Variants in DPP8 observed in about 807,000 individuals in gnomAD.
DPP8 encodes DPP VIII.
DPP8 carries 31 observed loss-of-function variants against 107.5 expected under a neutral mutation model. The ratio of observed to expected loss-of-function variants is 0.29; its 90% CI spans 0.22 to 0.39. DPP8 has a LOEUF of 0.39. DPP8 is among the 10% of genes least tolerant of loss of function. The pLI is 1.00. For missense variants in DPP8, 842 were observed against 1,076.1 expected, an observed-to-expected ratio of 0.78 and a Z score of 3.04; for synonymous variants, 381 against 356.6, an observed-to-expected ratio of 1.07 and a Z score of -0.77.
chr15:65,454,159 T>C, intron 17 of DPP8, 104 bp downstream of exon 17: 1 of 823,192 alleles, frequency 1.2e-6, no homozygotes, highest in Non-Finnish European at 1.7e-6. Context: ...AAAAAAAAAT[T>C]GCCAACTCTG....
intron 12 of DPP8, 94 bp from the exon 13 acceptor site, chr15:65,467,317 G>C: frequency 8.4e-7 from 1 of 1,197,292 alleles, no homozygotes; most frequent in Admixed American, 2.3e-5. Flanking sequence ...GCCACTCCTT[G>C]ACTTATGCCT....
chr15:65,475,601 A>C (rs1019083315), intron 11 of DPP8: 15 of 1,053,032 alleles, frequency 1.4e-5, no homozygotes, highest in Non-Finnish European at 2.2e-5. Context: ...TGAGGTAGCC[A>C]TATCAGCTAT....
rs1357397392 is a variant in DPP8, at chr15:65,491,953, T to C, written c.716-1654A>G. On this transcript the variant is annotated intron_variant, in intron 5 of 19. Transcript: ENST00000300141. ...TTCACTGTGTTAGCCAGAATGGTCT[T>C]GATCTCCTGACCTCGTGATCCACCC... Among the ~76,000 whole-genome samples, 16 of 152,154 alleles carry C rather than the reference T, an allele frequency of 1.1e-4. No individual in the cohort carries two copies. In the East Asian group the frequency reaches 2.2e-3, roughly 20 times the overall value.
Position 65,446,664 on chromosome 15 carries a change from C to G in DPP8, c.*220G>C. The G allele has an allele frequency of 5.4e-6, 1 of 185,180 alleles. No homozygotes were observed. Among genetic ancestry groups the G allele is most frequent in the African/African-American group, 2.7e-5 (1 of 37,326 alleles). The allele number at this position is 185,180 out of a possible 1,614,324, so 11.5% of individuals were successfully genotyped here. On this transcript the variant is annotated 3_prime_UTR_variant, in exon 20 of 20. Transcript: ENST00000300141. Reference sequence around the variant, plus strand: ...TAATTCTTATGGTATTGCTGGGTCTCTCAGGAATATGTATCATTTGATTTT... The same window carrying G: ...TAATTCTTATGGTATTGCTGGGTCTGTCAGGAATATGTATCATTTGATTTT...
rs2063493735 is a variant in DPP8 at position 65,446,255 on chromosome 15, T to C, written c.*629A>G. ...ATCAAAGAAAAATGAGAATTATTTA[T>C]ACTAGATACAGATTAAATTGGCTAA... On this transcript the variant is annotated 3_prime_UTR_variant, in exon 20 of 20. Transcript: ENST00000300141. 1 of 152,234 alleles carries C rather than the reference T, an allele frequency of 6.6e-6. No homozygotes were observed. Among genetic ancestry groups the C allele is most frequent in the Non-Finnish European group, 1.5e-5 (1 of 68,020 alleles). 9.4% of individuals were successfully genotyped at this position (152,234 alleles called of 1,614,324 possible).
At chr15:65,466,607 A>C in intron 14 of DPP8, 71 bp downstream of exon 14, 1 of 1,384,288 alleles carries the variant, frequency 7.2e-7, no homozygotes, top group Non-Finnish European at 1.0e-6. Flanking sequence ...AAATGTGAAA[A>C]TATGACACAC....
intron 17 of DPP8, among the ~76,000 whole-genome samples, chr15:65,453,086 T>C (rs2064111940): frequency 2.0e-5 from 3 of 152,226 alleles, no homozygotes; most frequent in African/African-American, 7.2e-5. Flanking sequence ...ACAATTGTTA[T>C]CATCCTTATG....
At chr15:65,499,567 T>G (rs1193572398) in intron 4 of DPP8, among the ~76,000 whole-genome samples, 1 of 151,470 alleles carries the variant, frequency 6.6e-6, no homozygotes, top group African/African-American at 2.4e-5. Flanking sequence ...ACTTTAAAAT[T>G]TGTATGTTTT....
At chr15:65,479,398 CAAA>C (rs2066691936) in intron 10 of DPP8, among the ~76,000 whole-genome samples, 1 of 151,594 alleles carries the variant, frequency 6.6e-6, no homozygotes, top group South Asian at 2.1e-4. Flanking sequence ...TTTTGTTTTC[CAAA>C]AAGAATTTTT....
At position 65,485,240 on chromosome 15, in the gene DPP8, C is replaced by T. The variant is rs553687612; in HGVS notation, c.956-80G>A. 9 of 1,102,296 alleles carry T rather than the reference C, an allele frequency of 8.2e-6. No homozygotes were observed. In the Admixed American group the frequency reaches 1.0e-4, roughly 13 times the overall value. 68.3% of individuals were successfully genotyped at this position (1,102,296 alleles called of 1,614,324 possible). On this transcript the variant is annotated intron_variant, in intron 7 of 19. Coordinates refer to ENST00000300141, the MANE Select transcript of DPP8 (RefSeq NM_130434.5). ...TTTTGCCAGATCAATCCTCTTTACA[C>T]TTTAGTTAAGAATAACGTATAGGTC... is the stretch of plus-strand genomic sequence containing the variant.
chr15:65,469,240 G>A (rs1429576370), intron 12 of DPP8, among the ~76,000 whole-genome samples: 1 of 151,836 alleles, frequency 6.6e-6, no homozygotes, highest in African/African-American at 2.4e-5. Context: ...CTCCCAAAGT[G>A]CTGGGATTAC....
At chr15:65,499,103 G>GTATATA (rs200765429) in intron 4 of DPP8, among the ~76,000 whole-genome samples, 206 of 130,050 alleles carry the variant, frequency 1.6e-3, no homozygotes, top group African/African-American at 7.2e-3. Context: ...GTGTGTGTGT[G>GTATATA]TGTATATATA....
chr15:65,472,515 T>C (rs1384469693), intron 12 of DPP8, among the ~76,000 whole-genome samples: 2 of 152,000 alleles, frequency 1.3e-5, no homozygotes, highest in African/African-American at 4.8e-5. Context: ...GCCCAAACTG[T>C]TACTGAACTC....
Position 65,512,573 on chromosome 15 carries a change from A to C in DPP8, c.-11-9T>G, listed in dbSNP as rs1356431860. On this transcript the variant is annotated splice_polypyrimidine_tract_variant and intron_variant, in intron 1 of 19. Transcript: ENST00000300141. ...TGCCATGTTGCATTTTCCTAGAAAA[A>C]CAAGGCACATGAAGCTGTTCACGGG... 6.2e-7 allele frequency: 1 copy of C among 1,613,792 alleles called. No individual in the cohort carries two copies. Among genetic ancestry groups the C allele is most frequent in the Non-Finnish European group, 8.5e-7 (1 of 1,179,914 alleles).
chr15:65,464,005 C>T (rs1447764410), intron 14 of DPP8, 99 bp from the exon 15 acceptor site: 2 of 826,474 alleles, frequency 2.4e-6, no homozygotes, highest in Non-Finnish European at 3.6e-6. Context: ...GCCCCGCCAA[C>T]ACAAACTGAC....
chr15:65,445,157 T>A lies in DPP8; in HGVS notation c.*1727A>T, dbSNP rs888238946. 1.4e-4 allele frequency: 22 copies of A among 152,122 alleles called. No individual in the cohort carries two copies. The highest frequency in any genetic ancestry group is 4.8e-4 in the African/African-American group (20 of 41,412). The allele number at this position is 152,122 out of a possible 1,614,324, so 9.4% of individuals were successfully genotyped here. ...CAGAACCACCATATCATCCTGCCAT[T>A]TCTGGGCTTTCCCTACCTCCCACTT... On this transcript the variant is annotated 3_prime_UTR_variant, in exon 20 of 20. Coordinates refer to ENST00000300141, the MANE Select transcript of DPP8 (RefSeq NM_130434.5).
intron 3 of DPP8, among the ~76,000 whole-genome samples, chr15:65,502,050 C>T (rs989532249): frequency 2.1e-4 from 32 of 152,216 alleles, no homozygotes; most frequent in African/African-American, 7.7e-4. Flanking sequence ...CCACCACGCC[C>T]AGCTAATATT....
intron 19 of DPP8, chr15:65,450,710 CA>C: frequency 4.7e-6 from 1 of 212,816 alleles, no homozygotes; most frequent in Non-Finnish European, 9.2e-6. Context: ...AAAAGAAAAG[CA>C]AAGGATAACA....
At chr15:65,505,523 T>C (rs963584956) in intron 3 of DPP8, among the ~76,000 whole-genome samples, 2 of 152,214 alleles carry the variant, frequency 1.3e-5, no homozygotes, top group African/African-American at 4.8e-5. Flanking sequence ...TAAAACAGTT[T>C]TGCCAATTTT....
Sources: allele counts gnomAD v4.1 joint callset (sites outside exome capture counted in the v4.1 genomes callset), GRCh38; gene constraint gnomAD v4.1.1; transcripts MANE v1.5; gene names NCBI Gene and HGNC (gene_info 2026-07-23, HGNC 2026-07-21).